DPYD: variants seen among roughly 807,000 people sequenced by gnomAD.
DPYD encodes the protein dihydropyrimidine dehydrogenase [NADP(+)].
DPYD carries 109 observed loss-of-function variants against 116.2 expected under a neutral mutation model. The ratio of observed to expected loss-of-function variants is 0.94; its 90% CI spans 0.80 to 1.10. The LOEUF (loss-of-function observed/expected upper bound fraction) is 1.10. DPYD is among the 50% of genes least tolerant of loss of function. DPYD has a pLI of 0.00. For synonymous variants in DPYD, 440 were observed against 432.0 expected (o/e 1.02, Z -0.23); for missense variants, 1,302 against 1,254.5 (o/e 1.04, Z -0.57).
Position 97,666,857 on chromosome 1 carries a change from C to T in DPYD, c.850+12238G>A, listed in dbSNP as rs74986735. On this transcript the variant is annotated intron_variant, in intron 8 of 22. Coordinates refer to ENST00000370192, the MANE Select transcript of DPYD (RefSeq NM_000110.4). ...GCATGCATGCAAAACAAGTCAGGTT[C>T]TATTAGACAAAAGTTCACTTGATTT... Among the ~76,000 whole-genome samples, 766 of 152,210 alleles carry T rather than the reference C, an allele frequency of 5.0e-3. 5 individuals are homozygous for T. Among genetic ancestry groups the T allele is most frequent in the African/African-American group, 0.017 (727 of 41,556 alleles).
At chr1:97,911,894 C>A (rs1043537221) in intron 1 of DPYD, among the ~76,000 whole-genome samples, 1 of 152,198 alleles carries the variant, frequency 6.6e-6, no homozygotes, top group South Asian at 2.1e-4. Context: ...TGAGGTCCAA[C>A]CTTACTCTTC....
In DPYD at chr1:97,101,385, A is replaced by C. The variant is rs564644677; in HGVS notation, c.2623-2753T>G. On this transcript the variant is annotated intron_variant, in intron 20 of 22. Transcript: ENST00000370192. ...AGTAAAGTTTTCCGAAAACAAAAAAACATCAATTCTCTCCCGCAACAAAGG... is the reference window on the plus strand; with the variant it reads ...AGTAAAGTTTTCCGAAAACAAAAAACCATCAATTCTCTCCCGCAACAAAGG... Among the ~76,000 whole-genome samples the C allele has an allele frequency of 2.6e-5, 4 of 151,930 alleles. No homozygotes were observed. The South Asian group carries it at 8.3e-4, about 32-fold the overall frequency.
chr1:97,266,251 T>C lies in DPYD; in HGVS notation c.2300-31257A>G, dbSNP rs1386938158. On this transcript the variant is annotated intron_variant, in intron 18 of 22. Coordinates refer to ENST00000370192, the MANE Select transcript of DPYD (RefSeq NM_000110.4). ...AATGCCCCTAGGCAGCAGTATCCAA[T>C]TGGCTTAGCATATCAAGGGAGAATA... Among the ~76,000 whole-genome samples the C allele has an allele frequency of 9.8e-5, 15 of 152,306 alleles. No individual in the cohort carries two copies. The South Asian group carries it at 1.7e-3, about 17-fold the overall frequency.
chr1:97,276,511 T>C (rs1664935753), intron 18 of DPYD, among the ~76,000 whole-genome samples: 1 of 151,880 alleles, frequency 6.6e-6, no homozygotes. Context: ...AACAGGCACT[T>C]CTCAAAAGAA....
intron 18 of DPYD, among the ~76,000 whole-genome samples, chr1:97,258,999 C>T (rs1663697199): frequency 6.6e-6 from 1 of 152,046 alleles, no homozygotes; most frequent in Non-Finnish European, 1.5e-5. Context: ...GTCAAGAGGA[C>T]TCAGGTTAAT....
rs142367873 is a variant in DPYD at position 97,886,206 on chromosome 1, T to C, written c.40-2832A>G. The stretch of plus-strand genomic sequence containing the variant: ...AGTGTGACAGTCATTCTACCTCAGA[T>C]GGGTATAGCTCAAAACACAGAGCTC... On this transcript the variant is annotated intron_variant, in intron 1 of 22. Transcript: ENST00000370192. 1.8e-3 allele frequency among the ~76,000 whole-genome samples: 274 copies of C among 152,128 alleles called. 1 individual carries two copies. The highest frequency in any genetic ancestry group is 3.5e-3 in the Non-Finnish European group (236 of 67,974).
At chr1:97,353,189 C>G (rs1363904737) in intron 16 of DPYD, among the ~76,000 whole-genome samples, 4 of 152,188 alleles carry the variant, frequency 2.6e-5, no homozygotes, top group African/African-American at 9.7e-5. Context: ...CATTGTGTCA[C>G]AGTCTCACAG....
chr1:97,458,189 T>C (rs923824023), intron 13 of DPYD, among the ~76,000 whole-genome samples: 38 of 152,264 alleles, frequency 2.5e-4, no homozygotes, highest in African/African-American at 8.4e-4. Flanking sequence ...AGAATTTTCA[T>C]TGGAAGTGAT....
At chr1:97,844,307 G>C (rs889212199) in intron 2 of DPYD, among the ~76,000 whole-genome samples, 4 of 152,130 alleles carry the variant, frequency 2.6e-5, no homozygotes, top group African/African-American at 7.2e-5. Context: ...GTGTCTTTTT[G>C]TATGCTGATG....
intron 11 of DPYD, among the ~76,000 whole-genome samples, chr1:97,567,383 A>G (rs1652596785): frequency 6.6e-6 from 1 of 151,644 alleles, no homozygotes; most frequent in Non-Finnish European, 1.5e-5. Flanking sequence ...TTATCAAGGG[A>G]GCTGATTTCT....
intron 13 of DPYD, among the ~76,000 whole-genome samples, chr1:97,473,690 T>C (rs1020190837): frequency 2.6e-5 from 4 of 152,076 alleles, no homozygotes; most frequent in African/African-American, 9.7e-5. Context: ...TTGGCAGTAA[T>C]ATAAACTGGT....
At chr1:97,691,451 A>G in intron 7 of DPYD, 1 of 355,314 alleles carries the variant, frequency 2.8e-6, no homozygotes, top group Non-Finnish European at 5.2e-6. Context: ...GAACCCCTAA[A>G]GCAATTTAGG....
intron 12 of DPYD, among the ~76,000 whole-genome samples, chr1:97,526,818 T>C (rs904343283): frequency 6.6e-6 from 1 of 152,166 alleles, no homozygotes; most frequent in Non-Finnish European, 1.5e-5. Context: ...ACTGTAAAAA[T>C]AGGACAGTTA....
intron 3 of DPYD, among the ~76,000 whole-genome samples, chr1:97,792,142 T>C (rs1237634853): frequency 6.6e-6 from 1 of 152,216 alleles, no homozygotes; most frequent in Non-Finnish European, 1.5e-5. Context: ...ATTTTTGGTA[T>C]GCCCATTAGA....
At chr1:97,861,705 A>G (rs940143639) in intron 2 of DPYD, among the ~76,000 whole-genome samples, 1 of 151,984 alleles carries the variant, frequency 6.6e-6, no homozygotes, top group African/African-American at 2.4e-5. Context: ...AATTTGGGAA[A>G]AGTCAAATTA....
At chr1:97,347,616 A>C (rs1002884699) in intron 16 of DPYD, among the ~76,000 whole-genome samples, 3 of 152,012 alleles carry the variant, frequency 2.0e-5, no homozygotes, top group African/African-American at 7.2e-5. Flanking sequence ...TAATCTTTCA[A>C]TATCAAGGTT....
At chr1:97,674,953 T>C (rs1252842774) in intron 8 of DPYD, among the ~76,000 whole-genome samples, 1 of 152,226 alleles carries the variant, frequency 6.6e-6, no homozygotes, top group Non-Finnish European at 1.5e-5. Context: ...AGCCCTTACA[T>C]TGTATAGCAT....
intron 8 of DPYD, among the ~76,000 whole-genome samples, chr1:97,640,241 A>AT (rs369959270): frequency 2.0e-4 from 30 of 151,716 alleles, no homozygotes; most frequent in South Asian, 6.2e-4. Flanking sequence ...TGCATTTAAG[A>AT]TTTTTTTTTA....
chr1:97,916,069 G>A (rs974177046), intron 1 of DPYD, among the ~76,000 whole-genome samples: 1 of 152,100 alleles, frequency 6.6e-6, no homozygotes, highest in African/African-American at 2.4e-5. Flanking sequence ...TTGGTAAGAT[G>A]CTGTATTCAA....
Sources: allele counts gnomAD v4.1 joint callset (sites outside exome capture counted in the v4.1 genomes callset), GRCh38; gene constraint gnomAD v4.1.1; transcripts MANE v1.5; gene names NCBI Gene and HGNC (gene_info 2026-07-23, HGNC 2026-07-21).